Variants in SNX29 observed in about 807,000 individuals in gnomAD.
SNX29 encodes sorting nexin 29.
Under a neutral mutation model 102.1 loss-of-function variants are expected in SNX29, and 78 were observed. The observed-to-expected ratio is 0.76, with a 90% CI of 0.64 to 0.92. SNX29 has a LOEUF of 0.92. SNX29 is among the 40% of genes least tolerant of loss of function. The pLI is 0.00. For synonymous variants in SNX29, 580 were observed against 414.5 expected (o/e 1.40, Z -4.85); for missense variants, 1,280 against 1,061.7 (o/e 1.21, Z -2.86).
chr16:12,179,366 G>T (rs865533), intron 13 of SNX29, among the ~76,000 whole-genome samples: 93,941 of 152,032 alleles, frequency 0.62, 31,920 homozygotes, highest in Non-Finnish European at 0.75. Flanking sequence ...ACACCTGTAG[G>T]CCTAGCTACT....
intron 16 of SNX29, among the ~76,000 whole-genome samples, chr16:12,398,169 T>C (rs2083786508): frequency 6.6e-6 from 1 of 152,184 alleles, no homozygotes; most frequent in Admixed American, 6.5e-5. Context: ...CAAAATTACA[T>C]GCTCTTACAT....
chr16:12,365,326 T>TTGTGTGTGTGTGTGTGTGTGTGTG (rs58869867), intron 16 of SNX29, among the ~76,000 whole-genome samples: 3 of 139,776 alleles, frequency 2.1e-5, no homozygotes, highest in South Asian at 2.4e-4. Context: ...ACATCAGGAT[T>TTGTGTGTGTGTGTGTGTGTGTGTG]TGTGTGTGTG....
At chr16:12,337,829 C>T (rs1034732317) in intron 15 of SNX29, among the ~76,000 whole-genome samples, 1 of 152,158 alleles carries the variant, frequency 6.6e-6, no homozygotes, top group South Asian at 2.1e-4. Flanking sequence ...CTCATCATCT[C>T]AAGTCTGGGA....
intron 19 of SNX29, among the ~76,000 whole-genome samples, chr16:12,485,850 C>T (rs13333965): frequency 0.23 from 34,932 of 152,084 alleles, 4,585 homozygotes; most frequent in South Asian, 0.38. Context: ...AGAAGGCTTC[C>T]TGCAGGAGGC....
At chr16:12,073,724 G>A (rs2051410617) in intron 10 of SNX29, among the ~76,000 whole-genome samples, 1 of 152,164 alleles carries the variant, frequency 6.6e-6, no homozygotes, top group African/African-American at 2.4e-5. Flanking sequence ...GGGTATCCTT[G>A]TTGACTTTCT....
intron 11 of SNX29, among the ~76,000 whole-genome samples, chr16:12,104,514 C>A (rs1199471913): frequency 6.6e-6 from 1 of 152,002 alleles, no homozygotes; most frequent in African/African-American, 2.4e-5. Flanking sequence ...TGAGATTGCA[C>A]CACTGCACTC....
rs902863735 is a variant in SNX29 at position 12,571,534 on chromosome 16, C to T, written c.*2905C>T. ...AGGGCCTTGGATTCCTGGGACCACC[C>T]TTTGCTGGGAGGAAGAATCCACACC... On this transcript the variant is annotated 3_prime_UTR_variant, in exon 21 of 21. Transcript: ENST00000566228. 1.6e-5 allele frequency: 14 copies of T among 888,422 alleles called. No individual in the cohort carries two copies. The highest frequency in any genetic ancestry group is 1.7e-5 in the African/African-American group (1 of 57,470). The allele number at this position is 888,422 out of a possible 1,614,324, so 55.0% of individuals were successfully genotyped here.
chr16:12,326,461 T>G lies in SNX29; in HGVS notation c.1783-29702T>G, dbSNP rs190636036. ...TTGGCAAACTTTCTGTAAAGGGCTG[T>G]GTCGGAAACATGTCCGGTGTGATGG... On this transcript the variant is annotated intron_variant, in intron 15 of 20. Transcript: ENST00000566228. Among the ~76,000 whole-genome samples, 68 of 152,132 alleles carry G rather than the reference T, an allele frequency of 4.5e-4. 1 individual carries two copies. The East Asian group carries it at 7.0e-3, about 16-fold the overall frequency.
At chr16:12,188,151 A>G (rs2076557483) in intron 13 of SNX29, among the ~76,000 whole-genome samples, 2 of 152,226 alleles carry the variant, frequency 1.3e-5, no homozygotes, top group South Asian at 4.1e-4. Context: ...ATGAGTAATA[A>G]TGATGATGAC....
chr16:12,541,466 T>C (rs1398938993), intron 20 of SNX29, among the ~76,000 whole-genome samples: 2 of 152,190 alleles, frequency 1.3e-5, no homozygotes. Flanking sequence ...TAGTGCTTGA[T>C]GGAGCCAGGA....
intron 1 of SNX29, among the ~76,000 whole-genome samples, chr16:11,989,456 C>T (rs886349410): frequency 3.9e-5 from 6 of 152,184 alleles, no homozygotes; most frequent in African/African-American, 1.4e-4. Flanking sequence ...CTTCACCCTA[C>T]AATACTGGGA....
intron 20 of SNX29, among the ~76,000 whole-genome samples, chr16:12,530,248 C>T (rs555254901): frequency 6.6e-6 from 1 of 152,150 alleles, no homozygotes; most frequent in Admixed American, 6.5e-5. Flanking sequence ...CTTTTAGGAG[C>T]TTTTAGAACA....
intron 3 of SNX29, among the ~76,000 whole-genome samples, chr16:12,026,862 C>T (rs1398856921): frequency 1.3e-5 from 2 of 152,106 alleles, no homozygotes; most frequent in Non-Finnish European, 2.9e-5. Flanking sequence ...ACAATGTTTC[C>T]AATTTGGCAG....
In SNX29 at chr16:12,061,618, C is replaced by T. The variant is rs1457461267; in HGVS notation, c.1215C>T (p.Val405=). ...LHNDSDILFP[V]SGVGSYSPAD... ...ATGACTCCGACATCCTCTTCCCTGT[C>T]AGTGGCGTGGGCTCCTACAGCCCAG... Residue 405 remains valine (V), a synonymous_variant, in exon 9 of 21, where the codon GTC becomes GTT. Coordinates refer to ENST00000566228, the MANE Select transcript of SNX29 (RefSeq NM_032167.5). The T allele has an allele frequency of 1.2e-6, 2 of 1,611,860 alleles. No individual in the cohort carries two copies. The highest frequency in any genetic ancestry group is 2.2e-5 in the East Asian group (1 of 44,884).
At chr16:12,350,319 G>A (rs1426776318) in intron 15 of SNX29, among the ~76,000 whole-genome samples, 1 of 152,152 alleles carries the variant, frequency 6.6e-6, no homozygotes. Context: ...CAATATGGTA[G>A]AACAATTATT....
At chr16:12,291,945 C>T (rs997884420) in intron 15 of SNX29, among the ~76,000 whole-genome samples, 7 of 152,144 alleles carry the variant, frequency 4.6e-5, no homozygotes, top group Admixed American at 1.3e-4. Flanking sequence ...CCCTTGCCTT[C>T]GGGTGCTCAC....
chr16:12,006,464 C>T (rs893524386), intron 3 of SNX29, among the ~76,000 whole-genome samples: 2 of 145,996 alleles, frequency 1.4e-5, no homozygotes, highest in Admixed American at 1.4e-4. Flanking sequence ...TTTGGTGAGC[C>T]GAGATTGCGC....
chr16:12,032,944 C>T (rs535121985), intron 4 of SNX29, among the ~76,000 whole-genome samples: 17 of 152,146 alleles, frequency 1.1e-4, no homozygotes, highest in African/African-American at 3.9e-4. Context: ...AGCCTCCACC[C>T]CCCAGGTTCA....
chr16:12,232,937 A>G (rs1014112950), intron 14 of SNX29, among the ~76,000 whole-genome samples: 4 of 152,140 alleles, frequency 2.6e-5, no homozygotes, highest in African/African-American at 9.7e-5. Flanking sequence ...GAGGTGGTCC[A>G]CCCGGAACTT....
Sources: gnomAD v4.1 joint callset for allele counts (sites outside exome capture counted in the v4.1 genomes callset) on GRCh38, gnomAD v4.1.1 for gene constraint, MANE v1.5 for transcripts, NCBI Gene and HGNC (gene_info 2026-07-23, HGNC 2026-07-21) for gene names.